The following DHX16 variants were observed in gnomAD, a reference collection of about 807,000 sequenced individuals.
The protein encoded by DHX16 is DEAH-box helicase 16.
A neutral mutation model predicts 131.2 loss-of-function variants in DHX16; 81 were observed. That is an observed-to-expected ratio of 0.62 (90% CI 0.52 to 0.74). DHX16 has a LOEUF of 0.74. Among genes scored for constraint, DHX16 ranks in the 30% least tolerant of loss-of-function variants. The pLI is 0.00. For synonymous variants in DHX16, 440 were observed against 520.2 expected (o/e 0.85, Z 2.10); for missense variants, 980 against 1,363.1 (o/e 0.72, Z 4.43).
At chr6:30,664,690 T>C (rs1406734690) in intron 7 of DHX16, 111 bp downstream of exon 7, 1 of 955,480 alleles carries the variant, frequency 1.0e-6, no homozygotes, top group African/African-American at 1.6e-5. Context: ...CACAATTTAG[T>C]GGAAAAGATA....
chr6:30,670,724 T>G lies in DHX16; in HGVS notation c.609+66A>C. ...TTCCCAGAGATCACTATCTCTGCAC[T>G]CACAGCCAACCTCAGATTTCACCCT... is the stretch of plus-strand genomic sequence containing the variant. On this transcript the variant is annotated intron_variant, in intron 3 of 19. Coordinates refer to ENST00000376442, the MANE Select transcript of DHX16 (RefSeq NM_003587.5). This position sits in a 1 kb window ranked among gnomAD's most constrained non-coding sequence, Gnocchi z 4.4. 1.9e-6 allele frequency: 3 copies of G among 1,600,348 alleles called. No homozygotes were observed. The highest frequency in any genetic ancestry group is 2.6e-6 in the Non-Finnish European group (3 of 1,173,482).
At chr6:30,654,115 C>CTT (rs1554159408) in intron 19 of DHX16, among the ~76,000 whole-genome samples, 4 of 147,930 alleles carry the variant, frequency 2.7e-5, no homozygotes, top group African/African-American at 7.5e-5. Context: ...ACGGAACTCT[C>CTT]AAAAAAAAGA....
intron 4 of DHX16, among the ~76,000 whole-genome samples, chr6:30,669,609 T>G (rs1327743480): frequency 1.3e-5 from 2 of 151,036 alleles, no homozygotes; most frequent in African/African-American, 4.9e-5. Flanking sequence ...TACAAAAAAT[T>G]AGCCAGGCGT....
In DHX16 at chr6:30,656,250, C is replaced by T; in HGVS notation, c.2446G>A (p.Ala816Thr). 4 of 1,613,728 alleles carry T rather than the reference C, an allele frequency of 2.5e-6. No individual in the cohort carries two copies. The highest frequency in any genetic ancestry group is 3.4e-6 in the Non-Finnish European group (4 of 1,180,012). Residue 816 changes from alanine (A) to threonine (T), a missense_variant, in exon 16 of 20, where the codon GCA (alanine) becomes ACA (threonine). Physicochemically the swap from Ala to Thr is moderately conservative, Grantham distance 58. Transcript: ENST00000376442. This position sits in a 1 kb window ranked among gnomAD's most constrained non-coding sequence, Gnocchi z 5.1. Reference protein sequence around the residue: ...GELTTSGRKMAELPVDPMLSK... With the variant: ...GELTTSGRKMTELPVDPMLSK... ...AGCATGGGGTCCACCGGCAGCTCTGCCATCTTTCGACCAGACTAAGGAGAA... is the reference window on the plus strand; with the variant it reads ...AGCATGGGGTCCACCGGCAGCTCTGTCATCTTTCGACCAGACTAAGGAGAA...
chr6:30,653,434 T>C, intron 19 of DHX16, 64 bp from the exon 20 acceptor site: 2 of 1,492,078 alleles, frequency 1.3e-6, no homozygotes, highest in East Asian at 2.3e-5. Context: ...GTTGTTGTTA[T>C]TTTTTTTTCT....
In DHX16 at chr6:30,654,860, A is replaced by C. The variant is rs745438429; in HGVS notation, c.2843T>G (p.Phe948Cys). 1 of 1,612,814 alleles carries C rather than the reference A, an allele frequency of 6.2e-7. No homozygotes were observed. Among genetic ancestry groups the C allele is most frequent in the East Asian group, 2.2e-5 (1 of 44,890 alleles). The change falls in exon 19 of 20, where the codon TTT (phenylalanine) becomes TGT (cysteine). Residue 948 changes from phenylalanine to cysteine, a missense_variant. Phe to Cys is a radical substitution (Grantham distance 205, BLOSUM62 -2). Coordinates refer to ENST00000376442, the MANE Select transcript of DHX16 (RefSeq NM_003587.5). ...CCGAGTCAACCGTGCCGTGTGGTAAAAGTAACCAGCAGTGATGGCCTAAGG... is the reference window on the plus strand; with the variant it reads ...CCGAGTCAACCGTGCCGTGTGGTAACAGTAACCAGCAGTGATGGCCTAAGG... Reference protein sequence around the residue: ...RVRKAITAGYFYHTARLTRSG... With the variant: ...RVRKAITAGYCYHTARLTRSG...
In DHX16 at chr6:30,665,478, C is replaced by A; in HGVS notation, c.921+1G>T. On this transcript the variant is annotated splice_donor_variant, in intron 5 of 19. Coordinates refer to ENST00000376442, the MANE Select transcript of DHX16 (RefSeq NM_003587.5). LOFTEE classifies it high-confidence loss of function. The surrounding 1 kb of genome is among the most constrained non-coding windows in gnomAD (Gnocchi z 4.8). ...CTGAAGCAGACGCCGCTTCACCTCACCTGTCCTCGGGTTTCCTTGGGCATG... is the reference window on the plus strand; with the variant it reads ...CTGAAGCAGACGCCGCTTCACCTCAACTGTCCTCGGGTTTCCTTGGGCATG... The A allele has an allele frequency of 6.2e-7, 1 of 1,611,994 alleles. No homozygotes were observed. The highest frequency in any genetic ancestry group is 8.5e-7 in the Non-Finnish European group (1 of 1,179,272).
chr6:30,672,440 T>G (rs1769652957), intron 1 of DHX16, among the ~76,000 whole-genome samples, 195 bp downstream of exon 1: 1 of 152,088 alleles, frequency 6.6e-6, no homozygotes, highest in South Asian at 2.1e-4. Context: ...ACCGTTCTAT[T>G]GCGCTTAACC....
In DHX16 at chr6:30,665,298, A is replaced by G; in HGVS notation, c.922-24T>C. On this transcript the variant is annotated intron_variant, in intron 5 of 19. Transcript: ENST00000376442. The surrounding 1 kb of genome is among the most constrained non-coding windows in gnomAD (Gnocchi z 4.8). ...GGCTACAGAGAGAGGGGATATGTGA[A>G]GACTCAAAAACAGGATGTCCTCTCT... The G allele has an allele frequency of 1.3e-6, 2 of 1,599,084 alleles. No individual in the cohort carries two copies. The highest frequency in any genetic ancestry group is 1.7e-6 in the Non-Finnish European group (2 of 1,178,356).
At position 30,670,738 on chromosome 6, in the gene DHX16, A is replaced by T; in HGVS notation, c.609+52T>A. On this transcript the variant is annotated intron_variant, in intron 3 of 19. Transcript: ENST00000376442. This position sits in a 1 kb window ranked among gnomAD's most constrained non-coding sequence, Gnocchi z 4.4. Reference sequence around the variant, plus strand: ...TATCTCTGCACTCACAGCCAACCTCAGATTTCACCCTGGGATCTTGGGGAT... The same window carrying T: ...TATCTCTGCACTCACAGCCAACCTCTGATTTCACCCTGGGATCTTGGGGAT... 6.2e-7 allele frequency: 1 copy of T among 1,607,812 alleles called. No homozygotes were observed. The highest frequency in any genetic ancestry group is 8.5e-7 in the Non-Finnish European group (1 of 1,177,742).
Position 30,654,650 on chromosome 6 carries a change from G to A in DHX16, c.2997+56C>T, listed in dbSNP as rs958793080. 38 of 1,513,470 alleles carry A rather than the reference G, an allele frequency of 2.5e-5. No homozygotes were observed. In the African/African-American group the frequency reaches 4.0e-4, roughly 16 times the overall value. The allele number at this position is 1,513,470 out of a possible 1,614,324, so 93.8% of individuals were successfully genotyped here. On this transcript the variant is annotated intron_variant, in intron 19 of 19. Transcript: ENST00000376442. ...TTGAACCTGGGTTCTTAGCTTGCCAGGACACCATCTCTCTACATAGTCTCC... is the reference window on the plus strand; with the variant it reads ...TTGAACCTGGGTTCTTAGCTTGCCAAGACACCATCTCTCTACATAGTCTCC...
intron 19 of DHX16, 68 bp from the exon 20 acceptor site, chr6:30,653,438 T>G: frequency 6.6e-7 from 1 of 1,519,770 alleles, no homozygotes. Flanking sequence ...TTGTTATTTT[T>G]TTTTCTTAAA....
chr6:30,665,018 C>T lies in DHX16; in HGVS notation c.1126-26G>A, dbSNP rs1276046817. ...CTAAGGAAAGAGAAGGAGGTGTGAG[C>T]TAAATAGCTCGCTACGGGTCTTCCT... On this transcript the variant is annotated intron_variant, in intron 6 of 19. Coordinates refer to ENST00000376442, the MANE Select transcript of DHX16 (RefSeq NM_003587.5). This position sits in a 1 kb window ranked among gnomAD's most constrained non-coding sequence, Gnocchi z 4.8. 1.9e-6 allele frequency: 3 copies of T among 1,613,754 alleles called. 1 individual carries two copies. In the South Asian group the frequency reaches 3.3e-5, roughly 18 times the overall value.
chr6:30,653,178 A>G lies in DHX16; in HGVS notation c.*64T>C, dbSNP rs1767614033. ...TTTATTCCAAAAATAATTTTATTTA[A>G]TAGGTATTAAATAATGTATAGAAGG... On this transcript the variant is annotated 3_prime_UTR_variant, in exon 20 of 20. Coordinates refer to ENST00000376442, the MANE Select transcript of DHX16 (RefSeq NM_003587.5). 6.5e-7 allele frequency: 1 copy of G among 1,531,484 alleles called. No individual in the cohort carries two copies. Among genetic ancestry groups the G allele is most frequent in the African/African-American group, 1.4e-5 (1 of 71,368 alleles). 94.9% of individuals were successfully genotyped at this position (1,531,484 alleles called of 1,614,324 possible).
rs755636362 is a variant in DHX16, at chr6:30,656,308, GT to G, written c.2431-44del. The G allele has an allele frequency of 4.3e-4, 687 of 1,612,310 alleles. No individual in the cohort carries two copies. Among genetic ancestry groups the G allele is most frequent in the Non-Finnish European group, 3.7e-4 (441 of 1,178,768 alleles). On this transcript the variant is annotated intron_variant, in intron 15 of 19. Transcript: ENST00000376442. The surrounding 1 kb of genome is among the most constrained non-coding windows in gnomAD (Gnocchi z 5.1). The stretch of plus-strand genomic sequence containing the variant: ...AGAGTTGAGCCCAGTCCTCCCTCAG[GT>G]TTCCCGCTACTACTACAGGGGTCCC...
In DHX16 at chr6:30,655,423, A is replaced by C. The variant is rs755029327; in HGVS notation, c.2661+12T>G. The C allele has an allele frequency of 7.1e-5, 115 of 1,613,926 alleles. No homozygotes were observed. Among genetic ancestry groups the C allele is most frequent in the Non-Finnish European group, 9.7e-5 (115 of 1,180,028 alleles). ...CAGTGTCTCTCATTCCCACTCACCC[A>C]AGCCCAGTGACCTGTGTGTAAACAT... On this transcript the variant is annotated intron_variant, in intron 17 of 19. Transcript: ENST00000376442.
At chr6:30,669,032 G>C (rs1176820739) in intron 4 of DHX16, among the ~76,000 whole-genome samples, 1 of 149,796 alleles carries the variant, frequency 6.7e-6, no homozygotes, top group African/African-American at 2.5e-5. Context: ...TTGAACTCGG[G>C]AGGTGGAAGT....
At chr6:30,667,556 T>G (rs1334094664) in intron 4 of DHX16, among the ~76,000 whole-genome samples, 2 of 141,690 alleles carry the variant, frequency 1.4e-5, no homozygotes, top group African/African-American at 5.4e-5. Flanking sequence ...CACTCCAGCC[T>G]GGGCGACAGA....
At chr6:30,658,510 T>C in intron 12 of DHX16, among the ~76,000 whole-genome samples, 1 of 143,904 alleles carries the variant, frequency 6.9e-6, no homozygotes, top group African/African-American at 2.6e-5. Flanking sequence ...GCCACTGCAC[T>C]CCAGCCTGGG....
Sources: allele counts gnomAD v4.1 joint callset (sites outside exome capture counted in the v4.1 genomes callset), GRCh38; gene constraint gnomAD v4.1.1; non-coding constraint Gnocchi (gnomAD v3.1); transcripts MANE v1.5; gene names NCBI Gene and HGNC (gene_info 2026-07-23, HGNC 2026-07-21).